Variants in COX7B2 observed in about 807,000 individuals in gnomAD.
COX7B2 encodes cytochrome c oxidase subunit 7B2.
For synonymous variants in COX7B2, 37 were observed against 32.1 expected (o/e 1.15, Z -0.51); for missense variants, 109 against 95.9 (o/e 1.14, Z -0.57).
chr4:46,875,975 G>A (rs1395360029), intron 1 of COX7B2, among the ~76,000 whole-genome samples: 1 of 151,936 alleles, frequency 6.6e-6, no homozygotes, highest in African/African-American at 2.4e-5. Context: ...AAGTTTATAT[G>A]CTGCTCTGCA....
At chr4:46,769,975 T>C (rs1205771056) in intron 2 of COX7B2, among the ~76,000 whole-genome samples, 3 of 152,138 alleles carry the variant, frequency 2.0e-5, no homozygotes, top group African/African-American at 7.2e-5. Flanking sequence ...ATTTCTATCC[T>C]ACACAGTACA....
intron 1 of COX7B2, among the ~76,000 whole-genome samples, chr4:46,885,091 A>G (rs186280407): frequency 6.6e-6 from 1 of 152,232 alleles, no homozygotes; most frequent in Non-Finnish European, 1.5e-5. Flanking sequence ...TTGCTAATTT[A>G]GGATATATTG....
intron 2 of COX7B2, among the ~76,000 whole-genome samples, chr4:46,799,731 T>C (rs979095774): frequency 2.6e-5 from 4 of 152,224 alleles, no homozygotes; most frequent in African/African-American, 9.6e-5. Flanking sequence ...AGCTTTTTGA[T>C]ATGCTGCTGG....
chr4:46,851,358 A>G (rs1716666687), intron 1 of COX7B2, among the ~76,000 whole-genome samples: 1 of 152,126 alleles, frequency 6.6e-6, no homozygotes, highest in African/African-American at 2.4e-5. Flanking sequence ...TTCAAATCAG[A>G]CATGAAAGAA....
chr4:46,773,876 A>T (rs1205305043), intron 2 of COX7B2, among the ~76,000 whole-genome samples: 1 of 152,168 alleles, frequency 6.6e-6, no homozygotes, highest in Non-Finnish European at 1.5e-5. Context: ...TTTTAGCCAA[A>T]CAATGACTAA....
chr4:46,782,479 A>C (rs550456210), intron 2 of COX7B2, among the ~76,000 whole-genome samples: 1 of 152,250 alleles, frequency 6.6e-6, no homozygotes, highest in East Asian at 1.9e-4. Context: ...TGCACCAATC[A>C]GCTCTCTGTA....
At chr4:46,778,670 T>C (rs888807859) in intron 2 of COX7B2, among the ~76,000 whole-genome samples, 1 of 152,198 alleles carries the variant, frequency 6.6e-6, no homozygotes, top group Admixed American at 6.5e-5. Flanking sequence ...ATATAGCTTA[T>C]GTCTTGCATG....
chr4:46,743,585 T>G (rs537295700), intron 2 of COX7B2, among the ~76,000 whole-genome samples: 1 of 152,346 alleles, frequency 6.6e-6, no homozygotes, highest in South Asian at 2.1e-4. Flanking sequence ...TGATGTTATA[T>G]TAATAGAAGT....
chr4:46,867,077 T>C (rs1331780900), intron 1 of COX7B2, among the ~76,000 whole-genome samples: 1 of 152,188 alleles, frequency 6.6e-6, no homozygotes, highest in Non-Finnish European at 1.5e-5. Context: ...GTTTGTGTCT[T>C]CCAGATTACA....
chr4:46,739,713 G>A (rs1400870004), intron 2 of COX7B2, among the ~76,000 whole-genome samples: 1 of 152,038 alleles, frequency 6.6e-6, no homozygotes, highest in Non-Finnish European at 1.5e-5. Context: ...ATACAGAGAT[G>A]GAGAAGCAAA....
At chr4:46,761,488 G>A (rs1035119513) in intron 2 of COX7B2, among the ~76,000 whole-genome samples, 2 of 152,134 alleles carry the variant, frequency 1.3e-5, no homozygotes, top group Admixed American at 1.3e-4. Context: ...CCTGGTCCGA[G>A]GGCAGGTGAA....
chr4:46,753,056 T>A (rs1265767742), intron 2 of COX7B2, among the ~76,000 whole-genome samples: 1 of 152,114 alleles, frequency 6.6e-6, no homozygotes, highest in Non-Finnish European at 1.5e-5. Flanking sequence ...CTGGACTTTT[T>A]TTGGTTGGTA....
chr4:46,753,447 A>C (rs1217775612), intron 2 of COX7B2, among the ~76,000 whole-genome samples: 27 of 152,008 alleles, frequency 1.8e-4, no homozygotes, highest in Admixed American at 1.8e-3. Context: ...AACCTGACAA[A>C]AACAAGAAAT....
chr4:46,801,917 T>A (rs1269941159), intron 2 of COX7B2, among the ~76,000 whole-genome samples: 1 of 152,260 alleles, frequency 6.6e-6, no homozygotes, highest in East Asian at 1.9e-4. Context: ...TCTGAATGTA[T>A]CCCTTATTTG....
chr4:46,779,533 G>A (rs985526517), intron 2 of COX7B2, among the ~76,000 whole-genome samples: 40 of 152,222 alleles, frequency 2.6e-4, no homozygotes, highest in African/African-American at 9.2e-4. Context: ...TTTCCTTTGG[G>A]TATAGACCCA....
At chr4:46,822,589 T>C (rs1714380677) in intron 2 of COX7B2, among the ~76,000 whole-genome samples, 1 of 152,132 alleles carries the variant, frequency 6.6e-6, no homozygotes, top group South Asian at 2.1e-4. Context: ...AATAACTACA[T>C]TAAAAAACCA....
chr4:46,877,185 G>A (rs146834212), intron 1 of COX7B2, among the ~76,000 whole-genome samples: 376 of 152,274 alleles, frequency 2.5e-3, no homozygotes, highest in African/African-American at 8.5e-3. Context: ...GAGGACAAGA[G>A]GTGGGAGATG....
intron 2 of COX7B2, among the ~76,000 whole-genome samples, chr4:46,739,538 C>T (rs997461435): frequency 6.6e-6 from 1 of 151,988 alleles, no homozygotes; most frequent in African/African-American, 2.4e-5. Context: ...TATTGCTCTA[C>T]ATAAGGAAGT....
chr4:46,798,169 A>C (rs983028511), intron 2 of COX7B2, among the ~76,000 whole-genome samples: 4 of 152,194 alleles, frequency 2.6e-5, no homozygotes, highest in Non-Finnish European at 5.9e-5. Context: ...CAGGCCTTCT[A>C]CCTCAGTGAA....
Sources: gnomAD v4.1 joint callset for allele counts (sites outside exome capture counted in the v4.1 genomes callset) on GRCh38, gnomAD v4.1.1 for gene constraint, MANE v1.5 for transcripts, NCBI Gene and HGNC (gene_info 2026-07-23, HGNC 2026-07-21) for gene names.